The following DNAH1 variants were observed in gnomAD, a reference collection of about 807,000 sequenced individuals.
DNAH1 encodes axonemal beta dynein heavy chain 1.
A neutral mutation model predicts 484.3 loss-of-function variants in DNAH1; 327 were observed. The ratio of observed to expected loss-of-function variants is 0.68; its 90% CI spans 0.62 to 0.74. DNAH1 has a LOEUF of 0.74. DNAH1 is among the 30% of genes least tolerant of loss of function. DNAH1 has a pLI of 0.00. For synonymous variants in DNAH1, 2,192 were observed against 2,191.9 expected (o/e 1.00, Z 0.00); for missense variants, 5,052 against 5,546.8 (o/e 0.91, Z 2.83).
Position 52,396,775 on chromosome 3 carries a change from A to G in DNAH1, c.11588A>G (p.Glu3863Gly). 1 of 1,613,726 alleles carries G rather than the reference A, an allele frequency of 6.2e-7. No individual in the cohort carries two copies. The highest frequency in any genetic ancestry group is 8.5e-7 in the Non-Finnish European group (1 of 1,179,840). Residue 3863 changes from glutamate to glycine, a missense_variant, in exon 72 of 78, where the codon GAA becomes GGA. Physicochemically the swap from Glu to Gly is moderately conservative, Grantham distance 98 (BLOSUM62 -2). This residue lies in a region of DNAH1 where 853 missense variants were observed against 899.0 expected (regional missense o/e 0.95). Coordinates refer to ENST00000420323, the MANE Select transcript of DNAH1 (RefSeq NM_015512.5). Reference protein sequence around the residue: ...CISQLKMFLDEYDDIPYKVLK... With the variant: ...CISQLKMFLDGYDDIPYKVLK... ...AGCCAGCTCAAGATGTTCCTGGACG[A>G]ATATGATGACATCCCCTACAAGGTG...
chr3:52,399,522 GGTGT>G lies in DNAH1; in HGVS notation c.12442-20_12442-17del. Reference sequence around the variant, plus strand: ...ATTCTGGGTATTGTTATGTGTGTGGGGTGTGTCTGTGTCTACCCACAGGTGATGT... The same window carrying G: ...ATTCTGGGTATTGTTATGTGTGTGGGGTCTGTGTCTACCCACAGGTGATGT... On this transcript the variant is annotated intron_variant, in intron 76 of 77. Coordinates refer to ENST00000420323, the MANE Select transcript of DNAH1 (RefSeq NM_015512.5). 1 of 1,577,486 alleles carries G rather than the reference GGTGT, an allele frequency of 6.3e-7. No individual in the cohort carries two copies. The highest frequency in any genetic ancestry group is 8.7e-7 in the Non-Finnish European group (1 of 1,154,854).
chr3:52,396,221 C>T (rs1160612555), intron 70 of DNAH1, 147 bp from the exon 71 acceptor site: 7 of 873,230 alleles, frequency 8.0e-6, no homozygotes, highest in South Asian at 3.5e-5. Flanking sequence ...ACGTGAGCCA[C>T]CGCGCCCAGC....
intron 41 of DNAH1, among the ~76,000 whole-genome samples, chr3:52,371,050 T>A (rs1422317098): frequency 6.6e-6 from 1 of 152,194 alleles, no homozygotes; most frequent in Non-Finnish European, 1.5e-5. Flanking sequence ...AGGGCTGGGC[T>A]AAGAGGGGAG....
intron 22 of DNAH1, among the ~76,000 whole-genome samples, 193 bp downstream of exon 22, chr3:52,356,971 C>T (rs1451544724): frequency 1.5e-4 from 23 of 150,896 alleles, no homozygotes; most frequent in Admixed American, 1.5e-3. Context: ...CAGTCACTGA[C>T]GGTTTTTCTC....
At chr3:52,375,815 C>T (rs796551069) in intron 45 of DNAH1, 140 bp from the exon 46 acceptor site, 34 of 961,366 alleles carry the variant, frequency 3.5e-5, no homozygotes, top group African/African-American at 3.3e-4. Context: ...ATAGGATGGA[C>T]GGAGTGTCTC....
At chr3:52,370,353 C>G (rs1703281051) in intron 39 of DNAH1, 124 bp downstream of exon 39, 2 of 1,530,258 alleles carry the variant, frequency 1.3e-6, no homozygotes, top group Admixed American at 3.6e-5. Flanking sequence ...ACAAGACCAC[C>G]TGTCCAATTG....
chr3:52,371,490 C>A (rs1275891661), intron 41 of DNAH1, among the ~76,000 whole-genome samples: 1 of 152,192 alleles, frequency 6.6e-6, no homozygotes, highest in Admixed American at 6.5e-5. Flanking sequence ...TTTGTGCAGG[C>A]GGGGACAGTG....
intron 54 of DNAH1, 22 bp from the exon 55 acceptor site, chr3:52,386,138 T>C (rs191615631): frequency 1.9e-6 from 3 of 1,602,514 alleles, no homozygotes; most frequent in South Asian, 2.2e-5. Flanking sequence ...GGGGAGGACA[T>C]CCCTATGTCT....
rs990271481 is a variant in DNAH1, at chr3:52,381,171, G to C, written c.7609-469G>C. On this transcript the variant is annotated intron_variant, in intron 48 of 77. Transcript: ENST00000420323. This position sits in a 1 kb window ranked among gnomAD's most constrained non-coding sequence, Gnocchi z 4.1. ...GCTGGAGGGCAGTGGCATGAACTTG[G>C]CTTACTGCAGCCTCTACCTCATGGG... 2.0e-5 allele frequency among the ~76,000 whole-genome samples: 3 copies of C among 152,124 alleles called. No individual in the cohort carries two copies. Among genetic ancestry groups the C allele is most frequent in the Admixed American group, 2.0e-4 (3 of 15,282 alleles).
Position 52,323,749 on chromosome 3 carries a change from G to A in DNAH1, c.334-59G>A, listed in dbSNP as rs575629707. ...GGCGCCTGGGCTCGGGGTCCCTCCC[G>A]GGTCCTGCCTGTCCCTGGGAGGTTG... On this transcript the variant is annotated intron_variant, in intron 2 of 77. Transcript: ENST00000420323. 131 of 1,444,932 alleles carry A rather than the reference G, an allele frequency of 9.1e-5. No homozygotes were observed. The Middle Eastern group carries it at 1.2e-3, about 13-fold the overall frequency. The allele number at this position is 1,444,932 out of a possible 1,614,324, so 89.5% of individuals were successfully genotyped here.
intron 65 of DNAH1, 39 bp downstream of exon 65, chr3:52,393,064 T>C (rs1305403996): frequency 1.9e-6 from 3 of 1,597,268 alleles, no homozygotes; most frequent in Non-Finnish European, 2.6e-6. Context: ...TGCACAGATA[T>C]GACCCATGTG....
At chr3:52,390,120 CAAA>C (rs1430874111) in intron 60 of DNAH1, among the ~76,000 whole-genome samples, 3 of 151,304 alleles carry the variant, frequency 2.0e-5, no homozygotes, top group Non-Finnish European at 4.4e-5. Flanking sequence ...GACTCCGTCT[CAAA>C]AGAGAAAAAA....
intron 25 of DNAH1, among the ~76,000 whole-genome samples, 160 bp from the exon 26 acceptor site, chr3:52,359,086 G>A (rs1359394223): frequency 1.3e-5 from 2 of 152,194 alleles, no homozygotes; most frequent in South Asian, 2.1e-4. Flanking sequence ...ACCCTGAGAA[G>A]CCCAGAGCAT....
intron 32 of DNAH1, among the ~76,000 whole-genome samples, chr3:52,363,373 CG>C (rs1702943849): frequency 1.3e-5 from 2 of 152,370 alleles, no homozygotes; most frequent in South Asian, 4.1e-4. Flanking sequence ...TACACAGCAG[CG>C]CTGGAGCAGG....
intron 12 of DNAH1, 61 bp from the exon 13 acceptor site, chr3:52,348,827 C>T: frequency 4.5e-6 from 7 of 1,568,590 alleles, no homozygotes; most frequent in Middle Eastern, 3.4e-4. Flanking sequence ...CCCATCTCCC[C>T]TCTGCTCATT....
intron 8 of DNAH1, among the ~76,000 whole-genome samples, chr3:52,335,151 ATT>A (rs35061562): frequency 0.02 from 1,573 of 80,070 alleles, 13 homozygotes; most frequent in African/African-American, 0.057. Context: ...GCAATGTGTG[ATT>A]TTTTTTTTTT....
intron 39 of DNAH1, 37 bp from the exon 40 acceptor site, chr3:52,370,440 T>C (rs373148610): frequency 1.2e-6 from 2 of 1,613,370 alleles, no homozygotes; most frequent in East Asian, 2.2e-5. Context: ...TTGATACTGT[T>C]CCTGTCTCAG....
rs1445862576 is a variant in DNAH1, at chr3:52,353,465, T to C, written c.3312T>C (p.Pro1104=). ...CACTGATCCAGGGGCTGCGCAACCC[T>C]GGCATGCGGATCCGGCACTGGGAGA... is the stretch of plus-strand genomic sequence containing the variant. ...YIPLIQGLRN[P]GMRIRHWETL... The change falls in exon 20 of 78, where the codon CCT becomes CCC. Residue 1104 remains proline (P), a synonymous_variant. Transcript: ENST00000420323. The surrounding 1 kb of genome is among the most constrained non-coding windows in gnomAD (Gnocchi z 5.0). 6.2e-7 allele frequency: 1 copy of C among 1,613,904 alleles called. No individual in the cohort carries two copies. Among genetic ancestry groups the C allele is most frequent in the Non-Finnish European group, 8.5e-7 (1 of 1,179,910 alleles).
intron 8 of DNAH1, among the ~76,000 whole-genome samples, chr3:52,336,111 T>C (rs559031095): frequency 1.3e-5 from 2 of 152,368 alleles, no homozygotes; most frequent in South Asian, 4.1e-4. Context: ...CAAAAGCTCT[T>C]GAATTAGGTC....
Sources: gnomAD v4.1 joint callset for allele counts (sites outside exome capture counted in the v4.1 genomes callset) on GRCh38, gnomAD v4.1.1 for gene constraint, gnomAD v4.1.1 regional missense constraint, Gnocchi (gnomAD v3.1) non-coding constraint, MANE v1.5 for transcripts, NCBI Gene and HGNC (gene_info 2026-07-23, HGNC 2026-07-21) for gene names.